Variants in TDP1 observed in about 807,000 individuals in gnomAD.
The protein encoded by TDP1 is tyr-DNA phosphodiesterase 1.
TDP1 carries 64 observed loss-of-function variants against 81.5 expected under a neutral mutation model. The observed-to-expected ratio is 0.79, with a 90% CI of 0.64 to 0.97. The LOEUF is 0.97. Among genes scored for constraint, TDP1 ranks in the 50% least tolerant of loss-of-function variants. The probability of loss-of-function intolerance (pLI) is 0.00; values close to 1 mark genes in which losing one functional copy is unlikely to be tolerated. For missense variants in TDP1, 723 were observed against 743.8 expected (o/e 0.97, Z 0.33); for synonymous variants, 256 against 264.3 (o/e 0.97, Z 0.30).
chr14:90,044,523 A>G lies in TDP1; in HGVS notation c.*1380A>G, dbSNP rs1302786616. On this transcript the variant is annotated 3_prime_UTR_variant, in exon 17 of 17. Transcript: ENST00000335725. ...GAAAGATTTTCTAAAGTAGTCTTTC[A>G]AACTGTTCCTCAGAGGCCTAGGATT... The G allele has an allele frequency of 6.6e-6, 1 of 152,210 alleles. No individual in the cohort carries two copies. The highest frequency in any genetic ancestry group is 1.5e-5 in the Non-Finnish European group (1 of 68,042). The allele number at this position is 152,210 out of a possible 1,614,324, so 9.4% of individuals were successfully genotyped here.
chr14:90,004,990 C>T (rs1441201184), intron 14 of TDP1, among the ~76,000 whole-genome samples: 1 of 152,236 alleles, frequency 6.6e-6, no homozygotes, highest in Admixed American at 6.5e-5. Flanking sequence ...ATTCCCAGGA[C>T]ACTGTGTACT....
At chr14:89,962,811 G>T (rs1237226222) in intron 2 of TDP1, 2 of 526,468 alleles carry the variant, frequency 3.8e-6, no homozygotes, top group Non-Finnish European at 4.9e-6. Flanking sequence ...GGCAGATGTT[G>T]CAGTCAGCTG....
At chr14:90,015,368 A>C (rs1204077733) in intron 14 of TDP1, among the ~76,000 whole-genome samples, 2 of 152,154 alleles carry the variant, frequency 1.3e-5, no homozygotes, top group Non-Finnish European at 2.9e-5. Context: ...TTGGGACAGA[A>C]TGTTCATATT....
rs767493573 is a variant in TDP1 at position 89,989,757 on chromosome 14, G to A, written c.1358G>A (p.Gly453Glu). 2 of 1,609,114 alleles carry A rather than the reference G, an allele frequency of 1.2e-6. No homozygotes were observed. The highest frequency in any genetic ancestry group is 2.2e-5 in the South Asian group (2 of 90,960). The change falls in exon 12 of 17, where the codon GGA becomes GAA. Residue 453 changes from glycine (G) to glutamate (E), a missense_variant. Gly to Glu is a moderately conservative substitution (Grantham distance 98). Coordinates refer to ENST00000335725, the MANE Select transcript of TDP1 (RefSeq NM_018319.4). ...SVENVRTSLE[G>E]YPAGGSLPYS... ...GAAAATGTGCGGACCAGTTTAGAAG[G>A]ATATCCTGGTAATTCTTGGGGAGAC...
intron 15 of TDP1, among the ~76,000 whole-genome samples, chr14:90,021,139 G>A (rs539516683): frequency 2.6e-5 from 4 of 152,092 alleles, no homozygotes; most frequent in African/African-American, 4.8e-5. Context: ...CCACCCCAGC[G>A]TCGTTCACTG....
chr14:89,991,910 T>G lies in TDP1; in HGVS notation c.1367-7T>G. On this transcript the variant is annotated splice_region_variant and splice_polypyrimidine_tract_variant and intron_variant, in intron 12 of 16. Coordinates refer to ENST00000335725, the MANE Select transcript of TDP1 (RefSeq NM_018319.4). Reference sequence around the variant, plus strand: ...TAATTTTTATTGTTTTATTTTTCTTTTAAAAGCTGGGGGCTCTCTTCCCTA... The same window carrying G: ...TAATTTTTATTGTTTTATTTTTCTTGTAAAAGCTGGGGGCTCTCTTCCCTA... 6.2e-7 allele frequency: 1 copy of G among 1,606,100 alleles called. No individual in the cohort carries two copies. The highest frequency in any genetic ancestry group is 8.5e-7 in the Non-Finnish European group (1 of 1,177,430).
At chr14:90,001,741 T>A (rs1389544792) in intron 14 of TDP1, among the ~76,000 whole-genome samples, 1 of 152,224 alleles carries the variant, frequency 6.6e-6, no homozygotes. Context: ...ATTCAAATGC[T>A]CCCCTTAAAG....
intron 16 of TDP1, among the ~76,000 whole-genome samples, chr14:90,039,437 G>A (rs146590188): frequency 7.2e-5 from 11 of 152,140 alleles, no homozygotes; most frequent in Non-Finnish European, 1.0e-4. Flanking sequence ...ACTTATTCCT[G>A]GTATAAGAAT....
chr14:90,000,467 C>G (rs1473384008), intron 14 of TDP1, among the ~76,000 whole-genome samples: 1 of 152,158 alleles, frequency 6.6e-6, no homozygotes, highest in East Asian at 1.9e-4. Flanking sequence ...TCACTGCAAC[C>G]TCTGCCTCCT....
At chr14:90,001,919 G>T (rs533685393) in intron 14 of TDP1, among the ~76,000 whole-genome samples, 2 of 151,904 alleles carry the variant, frequency 1.3e-5, no homozygotes, top group South Asian at 4.2e-4. Flanking sequence ...TTCTTTATGG[G>T]TCTCTTTGCT....
chr14:90,004,572 G>A (rs541204154), intron 14 of TDP1, among the ~76,000 whole-genome samples: 12 of 152,344 alleles, frequency 7.9e-5, no homozygotes, highest in African/African-American at 2.6e-4. Flanking sequence ...AGCAGGAAGA[G>A]CTAGGATTTA....
chr14:89,985,925 G>A (rs1895507199), intron 10 of TDP1, among the ~76,000 whole-genome samples: 1 of 152,202 alleles, frequency 6.6e-6, no homozygotes, highest in Admixed American at 6.5e-5. Flanking sequence ...TACTCGGGAG[G>A]CTGAGGCAGG....
chr14:90,039,631 G>A (rs7151122), intron 16 of TDP1, among the ~76,000 whole-genome samples: 48 of 151,518 alleles, frequency 3.2e-4, no homozygotes, highest in African/African-American at 1.1e-3. Flanking sequence ...TTATTACCTG[G>A]CTAAACAGGA....
intron 7 of TDP1, among the ~76,000 whole-genome samples, chr14:89,976,646 C>T (rs1182858020): frequency 2.0e-5 from 3 of 150,084 alleles, no homozygotes; most frequent in Admixed American, 6.7e-5. Flanking sequence ...AAACGATTCT[C>T]CTGCCTCAGC....
intron 14 of TDP1, among the ~76,000 whole-genome samples, chr14:90,015,725 A>AT: frequency 6.6e-6 from 1 of 152,150 alleles, no homozygotes; most frequent in Non-Finnish European, 1.5e-5. Flanking sequence ...GGTCTCCTTT[A>AT]TAAGGGCACC....
At chr14:89,993,980 T>C (rs34625326) in intron 14 of TDP1, among the ~76,000 whole-genome samples, 36 of 152,254 alleles carry the variant, frequency 2.4e-4, no homozygotes, top group African/African-American at 7.5e-4. Flanking sequence ...TATGTAACCA[T>C]TACCATAATC....
intron 14 of TDP1, among the ~76,000 whole-genome samples, chr14:89,998,436 G>GTATGTATGTA (rs1555390662): frequency 1.5e-4 from 16 of 106,418 alleles, no homozygotes; most frequent in African/African-American, 7.0e-4. Context: ...ATGTATGTAT[G>GTATGTATGTA]TATGTATATG....
intron 13 of TDP1, 91 bp from the exon 14 acceptor site, chr14:89,993,285 A>G (rs1896375868): frequency 1.5e-6 from 2 of 1,290,406 alleles, no homozygotes; most frequent in Non-Finnish European, 2.2e-6. Context: ...TTTTTAGATA[A>G]TAGGCTCTTT....
chr14:89,961,575 C>A (rs78856572), intron 2 of TDP1, among the ~76,000 whole-genome samples: 16 of 152,194 alleles, frequency 1.1e-4, no homozygotes, highest in Admixed American at 5.2e-4. Flanking sequence ...GCCAGTCTTA[C>A]GATCTCTGGT....
Sources: gnomAD v4.1 joint callset for allele counts (sites outside exome capture counted in the v4.1 genomes callset) on GRCh38, gnomAD v4.1.1 for gene constraint, MANE v1.5 for transcripts, NCBI Gene and HGNC (gene_info 2026-07-23, HGNC 2026-07-21) for gene names.